The following TNNI1 variants were observed in gnomAD, a reference collection of about 807,000 sequenced individuals.
TNNI1 encodes troponin I1, slow skeletal type.
TNNI1 carries 14 observed loss-of-function variants against 26.7 expected under a neutral mutation model. The ratio of observed to expected loss-of-function variants is 0.52; its 90% CI spans 0.35 to 0.82. The LOEUF (loss-of-function observed/expected upper bound fraction) is 0.82, where lower values mean the gene tolerates loss of function less well. Ranked by LOEUF, TNNI1 falls within the 40% of genes least tolerant of loss-of-function variation. The pLI is 0.01. For missense variants in TNNI1, 164 were observed against 257.0 expected (o/e 0.64, Z 2.47); for synonymous variants, 79 against 98.2 (o/e 0.80, Z 1.16).
In TNNI1 at chr1:201,404,416, G is replaced by A. The variant is rs920579526; in HGVS notation, c.*4837C>T. The A allele has an allele frequency of 1.7e-4, 26 of 152,088 alleles. No homozygotes were observed. Among genetic ancestry groups the A allele is most frequent in the Admixed American group, 1.5e-3 (23 of 15,268 alleles). The allele number at this position is 152,088 out of a possible 1,614,324, so 9.4% of individuals were successfully genotyped here. A position where few individuals can be genotyped will look rare whatever the true frequency, so the allele number is the denominator to read the frequency against. On this transcript the variant is annotated 3_prime_UTR_variant, in exon 9 of 9. Transcript: ENST00000361379. ...AAATGAATGAGGTGATAAGACCCAC[G>A]CCCTAAAGAATCCAGGGCAGTAAGC...
At position 201,418,062 on chromosome 1, in the gene TNNI1, T is replaced by C. The variant is rs544267028; in HGVS notation, c.-19-250A>G. Among the ~76,000 whole-genome samples, 26 of 151,960 alleles carry C rather than the reference T, an allele frequency of 1.7e-4. No homozygotes were observed. In the East Asian group the frequency reaches 3.7e-3, roughly 21 times the overall value. On this transcript the variant is annotated intron_variant, in intron 1 of 8. Transcript: ENST00000361379. ...TTGTAAGCTTTTTTTTTTTTTTTTTTTTTAAGAATTTGCAACAGAAACCTT... is the reference window on the plus strand; with the variant it reads ...TTGTAAGCTTTTTTTTTTTTTTTTTCTTTAAGAATTTGCAACAGAAACCTT...
chr1:201,417,686 T>C (rs767924351), intron 2 of TNNI1, 97 bp downstream of exon 2: 14 of 1,102,448 alleles, frequency 1.3e-5, no homozygotes, highest in Middle Eastern at 2.2e-4. Context: ...GGGAAAAGCT[T>C]TGGGGGTTGA....
At chr1:201,420,737 C>A (rs1662842600) in intron 1 of TNNI1, among the ~76,000 whole-genome samples, 2 of 152,026 alleles carry the variant, frequency 1.3e-5, no homozygotes, top group Non-Finnish European at 2.9e-5. Context: ...TCCCTGTCTT[C>A]CTTGACTGAC....
At chr1:201,415,361 G>T in intron 3 of TNNI1, 107 bp from the exon 4 acceptor site, 1 of 1,187,776 alleles carries the variant, frequency 8.4e-7, no homozygotes. Flanking sequence ...TCTTTATCCG[G>T]AATCCTCTGC....
chr1:201,420,985 C>G (rs1000867065), intron 1 of TNNI1, among the ~76,000 whole-genome samples: 1 of 152,272 alleles, frequency 6.6e-6, no homozygotes, highest in Non-Finnish European at 1.5e-5. Context: ...CCCAAAATGC[C>G]GCCACCATTG....
At chr1:201,414,778 C>T (rs1171956093) in intron 4 of TNNI1, 129 bp from the exon 5 acceptor site, 2 of 1,432,780 alleles carry the variant, frequency 1.4e-6, no homozygotes, top group Non-Finnish European at 1.9e-6. Flanking sequence ...TATGCAGCAG[C>T]CATGGACAGG....
Position 201,404,760 on chromosome 1 carries a change from T to C in TNNI1, c.*4493A>G, listed in dbSNP as rs1226822886. On this transcript the variant is annotated 3_prime_UTR_variant, in exon 9 of 9. Transcript: ENST00000361379. Reference sequence around the variant, plus strand: ...CAAAGAGCCAGTCAGGAGAAGAGCATCTGGGAGGCACTAGTACAGGGGACA... The same window carrying C: ...CAAAGAGCCAGTCAGGAGAAGAGCACCTGGGAGGCACTAGTACAGGGGACA... The C allele has an allele frequency of 6.6e-6, 1 of 152,212 alleles. No individual in the cohort carries two copies. Among genetic ancestry groups the C allele is most frequent in the East Asian group, 1.9e-4 (1 of 5,194 alleles). The allele number at this position is 152,212 out of a possible 1,614,324, so 9.4% of individuals were successfully genotyped here. A position where few individuals can be genotyped will look rare whatever the true frequency, so the allele number is the denominator to read the frequency against.
At chr1:201,420,352 C>A (rs958548820) in intron 1 of TNNI1, among the ~76,000 whole-genome samples, 1 of 152,206 alleles carries the variant, frequency 6.6e-6, no homozygotes, top group Non-Finnish European at 1.5e-5. Flanking sequence ...ATGAAGATAG[C>A]AGCCACTGGA....
intron 8 of TNNI1, among the ~76,000 whole-genome samples, chr1:201,409,513 C>A (rs993465335): frequency 1.3e-5 from 2 of 152,226 alleles, no homozygotes; most frequent in Non-Finnish European, 2.9e-5. Context: ...TACTCTGTGG[C>A]TGCTTAATTC....
intron 3 of TNNI1, among the ~76,000 whole-genome samples, chr1:201,416,578 G>C (rs939234501): frequency 5.9e-5 from 9 of 152,170 alleles, no homozygotes; most frequent in African/African-American, 2.2e-4. Flanking sequence ...TACATAGGCT[G>C]TGATCTCAGT....
intron 5 of TNNI1, among the ~76,000 whole-genome samples, 187 bp downstream of exon 5, chr1:201,414,331 A>G (rs1002583056): frequency 5.9e-5 from 9 of 152,206 alleles, no homozygotes; most frequent in African/African-American, 2.2e-4. Context: ...GTGCCCGTAA[A>G]ATGGAATCTA....
At chr1:201,418,055 T>TA (rs552969292) in intron 1 of TNNI1, among the ~76,000 whole-genome samples, 38 of 151,846 alleles carry the variant, frequency 2.5e-4, no homozygotes, top group Non-Finnish European at 5.0e-4. Context: ...TTTTTTTTTT[T>TA]TTTTTTTTTT....
At chr1:201,418,676 T>G (rs1662798359) in intron 1 of TNNI1, among the ~76,000 whole-genome samples, 1 of 152,046 alleles carries the variant, frequency 6.6e-6, no homozygotes, top group South Asian at 2.1e-4. Context: ...GCAATGCAAC[T>G]GGCACCTCCA....
At chr1:201,420,828 T>C (rs1662843797) in intron 1 of TNNI1, among the ~76,000 whole-genome samples, 1 of 152,160 alleles carries the variant, frequency 6.6e-6, no homozygotes, top group East Asian at 1.9e-4. Context: ...AGAGCTGCTG[T>C]GGGACTGTGA....
Position 201,410,294 on chromosome 1 carries a change from G to GACCCCAGAGAAGGGAGCTGGTCTCTAGGT in TNNI1, c.*2+3_*2+31dup, listed in dbSNP as rs1227074295. ...CCTCATTATCCTCTAGACTCTGATG[G>GACCCCAGAGAAGGGAGCTGGTCTCTAGGT]ACCCCAGAGAAGGGAGCTGGTCTCT... On this transcript the variant is annotated intron_variant, in intron 8 of 8. Transcript: ENST00000361379. 6 of 1,586,602 alleles carry GACCCCAGAGAAGGGAGCTGGTCTCTAGGT rather than the reference G, an allele frequency of 3.8e-6. No homozygotes were observed. The African/African-American group carries it at 8.1e-5, about 21-fold the overall frequency.
chr1:201,419,180 A>G (rs571333193), intron 1 of TNNI1, among the ~76,000 whole-genome samples: 1 of 152,386 alleles, frequency 6.6e-6, no homozygotes, highest in African/African-American at 2.4e-5. Context: ...GGGGGCTCCC[A>G]TAGCAGCCCT....
chr1:201,412,134 G>A (rs545726830), intron 6 of TNNI1, among the ~76,000 whole-genome samples: 54 of 152,294 alleles, frequency 3.5e-4, no homozygotes, highest in African/African-American at 1.2e-3. Flanking sequence ...TAAAAGGGGC[G>A]GCTCCACCAG....
At chr1:201,417,627 A>C (rs774511476) in intron 2 of TNNI1, 156 bp downstream of exon 2, 1 of 564,386 alleles carries the variant, frequency 1.8e-6, no homozygotes, top group Non-Finnish European at 2.8e-6. Flanking sequence ...CACAGGCAGC[A>C]CAGGGGAAAC....
Position 201,408,614 on chromosome 1 carries a change from A to C in TNNI1, c.*639T>G. The C allele has an allele frequency of 6.6e-6, 1 of 152,522 alleles. No homozygotes were observed. Among genetic ancestry groups the C allele is most frequent in the East Asian group, 1.9e-4 (1 of 5,172 alleles). 9.4% of individuals were successfully genotyped at this position (152,522 alleles called of 1,614,324 possible). A position where few individuals can be genotyped will look rare whatever the true frequency, so the allele number is the denominator to read the frequency against. The stretch of plus-strand genomic sequence containing the variant: ...CCAGAGTCAGGGGCAGGACGGGGTC[A>C]TTTCTCGGAGGTCAGGGCTCTGGTG... On this transcript the variant is annotated 3_prime_UTR_variant, in exon 9 of 9. Coordinates refer to ENST00000361379, the MANE Select transcript of TNNI1 (RefSeq NM_003281.4).
Sources: allele counts gnomAD v4.1 joint callset (sites outside exome capture counted in the v4.1 genomes callset), GRCh38; gene constraint gnomAD v4.1.1; transcripts MANE v1.5; gene names NCBI Gene and HGNC (gene_info 2026-07-23, HGNC 2026-07-21).